The following ADD1 variants were observed in gnomAD, a reference collection of about 807,000 sequenced individuals.
The protein encoded by ADD1 is adducin 1.
Under a neutral mutation model 80.5 loss-of-function variants are expected in ADD1, and 24 were observed. That is an observed-to-expected ratio of 0.30 (90% CI 0.22 to 0.42). The LOEUF (loss-of-function observed/expected upper bound fraction) is 0.42, where lower values mean the gene tolerates loss of function less well. Among genes scored for constraint, ADD1 ranks in the 10% least tolerant of loss-of-function variants. ADD1 has a pLI of 1.00. For synonymous variants in ADD1, 373 were observed against 393.8 expected (o/e 0.95, Z 0.63); for missense variants, 948 against 1,019.0 (o/e 0.93, Z 0.95).
At chr4:2,885,766 C>CTAT (rs1733186450) in intron 4 of ADD1, among the ~76,000 whole-genome samples, 7 of 151,650 alleles carry the variant, frequency 4.6e-5, no homozygotes, top group Admixed American at 4.6e-4. Flanking sequence ...CCCGCCACCA[C>CTAT]GCCTGGCTAA....
In ADD1 at chr4:2,898,324, CA is replaced by C; in HGVS notation, c.884del (p.Lys295ArgfsTer47). The C allele has an allele frequency of 6.2e-7, 1 of 1,614,192 alleles. No individual in the cohort carries two copies. Among genetic ancestry groups the C allele is most frequent in the Non-Finnish European group, 8.5e-7 (1 of 1,180,026 alleles). On this transcript the variant is annotated frameshift_variant and splice_region_variant, in exon 7 of 16. Coordinates refer to ENST00000683351, the MANE Select transcript of ADD1 (RefSeq NM_001354761.2). LOFTEE classifies it high-confidence loss of function. Reference sequence around the variant, plus strand: ...TTCAGAAAAATCTGGGGCCTAAAAGCAAGGTCAGTAGGCATCTAATCTGGTA... The same window carrying C: ...TTCAGAAAAATCTGGGGCCTAAAAGCAGGTCAGTAGGCATCTAATCTGGTA... Reference protein sequence around the residue: ...LIQKNLGPKSKVLILRNHGLV... With the variant: ...LIQKNLGPKSXVLILRNHGLV...
At chr4:2,874,642 G>A (rs2108886533) in intron 1 of ADD1, among the ~76,000 whole-genome samples, 1 of 149,802 alleles carries the variant, frequency 6.7e-6, no homozygotes, top group East Asian at 2.0e-4. Context: ...GCCACTTTAA[G>A]CATATTTTTA....
In ADD1 at chr4:2,863,219, A is replaced by ATTTTTT. The variant is rs34312305; in HGVS notation, c.-20-12662_-20-12657dup. ...TGCCACCACGCCCAGCTAATTTTTAATTTTTTTTTTTTTTTTTTTTGGTAG... is the reference window on the plus strand; with the variant it reads ...TGCCACCACGCCCAGCTAATTTTTAATTTTTTTTTTTTTTTTTTTTTTTTTTGGTAG... On this transcript the variant is annotated intron_variant, in intron 1 of 15. Coordinates refer to ENST00000683351, the MANE Select transcript of ADD1 (RefSeq NM_001354761.2). Among the ~76,000 whole-genome samples the ATTTTTT allele has an allele frequency of 1.6e-4, 20 of 123,750 alleles. 1 individual carries two copies. The highest frequency in any genetic ancestry group is 2.2e-4 in the Non-Finnish European group (13 of 60,284). The allele number at this position is 123,750 out of a possible 152,430, so 81.2% of individuals were successfully genotyped here. A position where few individuals can be genotyped will look rare whatever the true frequency, so the allele number is the denominator to read the frequency against.
At position 2,876,859 on chromosome 4, in the gene ADD1, G is replaced by A. The variant is rs1006084225; in HGVS notation, c.195+749G>A. Among the ~76,000 whole-genome samples, 4 of 150,604 alleles carry A rather than the reference G, an allele frequency of 2.7e-5. No individual in the cohort carries two copies. In the South Asian group the frequency reaches 6.3e-4, roughly 24 times the overall value. ...GTCCCAAAAAAAAAAAAAATTAGCC[G>A]GGCATAGTGGCGCATGCCTGTAATC... On this transcript the variant is annotated intron_variant, in intron 2 of 15. Coordinates refer to ENST00000683351, the MANE Select transcript of ADD1 (RefSeq NM_001354761.2).
At chr4:2,885,079 TG>T (rs1404263900) in intron 4 of ADD1, among the ~76,000 whole-genome samples, 1 of 152,238 alleles carries the variant, frequency 6.6e-6, no homozygotes, top group African/African-American at 2.4e-5. Context: ...TCCTTCATTC[TG>T]GGTATCTGCT....
intron 14 of ADD1, among the ~76,000 whole-genome samples, chr4:2,920,657 C>CTTT (rs55649630): frequency 0.2 from 26,648 of 136,042 alleles, 2,909 homozygotes; most frequent in South Asian, 0.4. Context: ...GCAACTCCTG[C>CTTT]TTTTTTTTTT....
chr4:2,876,764 G>A (rs1213010558), intron 2 of ADD1, among the ~76,000 whole-genome samples: 5 of 151,936 alleles, frequency 3.3e-5, no homozygotes, highest in South Asian at 2.1e-4. Flanking sequence ...GCGTGAACCC[G>A]GGAGGCGGAG....
chr4:2,869,626 CT>C (rs1730109665), intron 1 of ADD1, among the ~76,000 whole-genome samples: 1 of 152,226 alleles, frequency 6.6e-6, no homozygotes, highest in South Asian at 2.1e-4. Flanking sequence ...CTCATGGACA[CT>C]TTCCCCCTGC....
intron 1 of ADD1, among the ~76,000 whole-genome samples, chr4:2,870,788 A>G (rs1730306783): frequency 6.6e-6 from 1 of 152,178 alleles, no homozygotes. Flanking sequence ...CAAAGATTGA[A>G]GAGTGTTAGG....
At chr4:2,899,060 G>A (rs1408877304) in intron 8 of ADD1, 199 bp from the exon 9 acceptor site, 1 of 590,026 alleles carries the variant, frequency 1.7e-6, no homozygotes, top group African/African-American at 1.9e-5. Context: ...TGCCAACTTT[G>A]GTGCCCAATA....
intron 1 of ADD1, among the ~76,000 whole-genome samples, chr4:2,852,174 CTTTCTTTCTTTCTTT>C (rs1425101570): frequency 1.4e-5 from 1 of 72,690 alleles, no homozygotes; most frequent in Admixed American, 1.7e-4. Context: ...TTCTTTCTTT[CTTTCTTTCTTTCTTT>C]CTTTCTTTCC....
At chr4:2,866,171 T>C (rs1729512810) in intron 1 of ADD1, among the ~76,000 whole-genome samples, 1 of 152,224 alleles carries the variant, frequency 6.6e-6, no homozygotes, top group Non-Finnish European at 1.5e-5. Flanking sequence ...CTGGATGTTA[T>C]TTTATTTTAT....
intron 9 of ADD1, 163 bp downstream of exon 9, chr4:2,899,598 T>TA: frequency 6.5e-6 from 5 of 765,462 alleles, no homozygotes; most frequent in Non-Finnish European, 1.1e-5. Flanking sequence ...TGAGGTAAAT[T>TA]ACAATAAAAT....
At chr4:2,892,562 G>C (rs1734472893) in intron 4 of ADD1, among the ~76,000 whole-genome samples, 1 of 152,172 alleles carries the variant, frequency 6.6e-6, no homozygotes, top group African/African-American at 2.4e-5. Flanking sequence ...GGGCACAGTG[G>C]CTCACACCTG....
chr4:2,907,229 C>T (rs1737210899), intron 10 of ADD1: 1 of 153,342 alleles, frequency 6.5e-6, no homozygotes, highest in Non-Finnish European at 1.5e-5. Context: ...GAAAGTTACG[C>T]AGACAGTGCA....
At chr4:2,889,744 C>T (rs1032627715) in intron 4 of ADD1, among the ~76,000 whole-genome samples, 1 of 152,118 alleles carries the variant, frequency 6.6e-6, no homozygotes, top group African/African-American at 2.4e-5. Flanking sequence ...ATTGCTTGAA[C>T]CCTAGAGGCA....
chr4:2,884,608 C>T lies in ADD1; in HGVS notation c.452C>T (p.Ala151Val), dbSNP rs778437831. ...AAGTTATTACGGTGTAAATTGGCAG[C>T]GTTTTATAGACTAGCAGATCTCTTT... ...GEKLLRCKLA[A>V]FYRLADLFGW... Residue 151 changes from alanine to valine, a missense_variant, in exon 4 of 16, where the codon GCG (alanine) becomes GTG (valine). Transcript: ENST00000683351. 16 of 1,613,210 alleles carry T rather than the reference C, an allele frequency of 9.9e-6. No homozygotes were observed. Among genetic ancestry groups the T allele is most frequent in the Non-Finnish European group, 1.4e-5 (16 of 1,179,496 alleles).
At chr4:2,885,862 G>A (rs965859974) in intron 4 of ADD1, among the ~76,000 whole-genome samples, 11 of 151,948 alleles carry the variant, frequency 7.2e-5, no homozygotes, top group African/African-American at 1.2e-4. Context: ...CGCCCGCCTT[G>A]GCCTCCCAAA....
chr4:2,906,417 C>T (rs563398371), intron 10 of ADD1, among the ~76,000 whole-genome samples: 1 of 151,998 alleles, frequency 6.6e-6, no homozygotes, highest in Non-Finnish European at 1.5e-5. Flanking sequence ...CCCAAAACAC[C>T]TTTCTGCGGC....
Sources: allele counts gnomAD v4.1 joint callset (sites outside exome capture counted in the v4.1 genomes callset), GRCh38; gene constraint gnomAD v4.1.1; transcripts MANE v1.5; gene names NCBI Gene and HGNC (gene_info 2026-07-23, HGNC 2026-07-21).